Variants in PHKB observed in about 807,000 individuals in gnomAD.
The protein encoded by PHKB is phosphorylase b kinase regulatory subunit beta.
A neutral mutation model predicts 152.1 loss-of-function variants in PHKB; 122 were observed. The ratio of observed to expected loss-of-function variants is 0.80; its 90% CI spans 0.69 to 0.93. PHKB has a LOEUF of 0.93. PHKB is among the 40% of genes least tolerant of loss of function. PHKB has a pLI of 0.00. For missense variants in PHKB, 1,304 were observed against 1,328.4 expected (o/e 0.98, Z 0.29); for synonymous variants, 436 against 464.9 (o/e 0.94, Z 0.80).
At chr16:47,593,651 T>C in intron 11 of PHKB, 94 bp downstream of exon 11, 6 of 784,778 alleles carry the variant, frequency 7.6e-6, no homozygotes, top group South Asian at 1.4e-5. Flanking sequence ...AAATAAATTA[T>C]GACTCTTTTC....
intron 18 of PHKB, 69 bp downstream of exon 18, chr16:47,649,273 T>C: frequency 1.2e-6 from 1 of 866,174 alleles, no homozygotes; most frequent in Non-Finnish European, 2.0e-6. Flanking sequence ...TATGTTACTA[T>C]ATTGAGTACT....
intron 1 of PHKB, among the ~76,000 whole-genome samples, chr16:47,470,478 G>A (rs945955585): frequency 2.6e-5 from 4 of 152,214 alleles, no homozygotes; most frequent in African/African-American, 4.8e-5. Context: ...CAGAGTGGGC[G>A]TTATGGCCAT....
intron 26 of PHKB, among the ~76,000 whole-genome samples, chr16:47,671,142 AT>A (rs2142081445): frequency 6.6e-6 from 1 of 152,370 alleles, no homozygotes; most frequent in Non-Finnish European, 1.5e-5. Context: ...GTTACCATGC[AT>A]AAAAAACAAT....
At chr16:47,515,425 T>C (rs954651507) in intron 5 of PHKB, 96 bp from the exon 6 acceptor site, 9 of 729,742 alleles carry the variant, frequency 1.2e-5, no homozygotes, top group African/African-American at 8.7e-5. Flanking sequence ...ATGACACTAT[T>C]AGAGCAAATG....
intron 14 of PHKB, among the ~76,000 whole-genome samples, chr16:47,638,043 C>T (rs975531259): frequency 6.6e-6 from 1 of 152,056 alleles, no homozygotes; most frequent in Non-Finnish European, 1.5e-5. Flanking sequence ...AGCACCCCTC[C>T]CCATTCCCCA....
intron 7 of PHKB, 61 bp downstream of exon 7, chr16:47,547,609 G>T (rs1839542252): frequency 6.5e-6 from 6 of 927,188 alleles, no homozygotes. Context: ...TGAATATGAA[G>T]AAATACTGAA....
rs754324458 is a variant in PHKB at position 47,661,700 on chromosome 16, C to T, written c.2197-19C>T. On this transcript the variant is annotated intron_variant, in intron 22 of 30. Coordinates refer to ENST00000323584, the MANE Select transcript of PHKB (RefSeq NM_000293.3). ...GTACCCATTTCATTCCAGTTCCTCA[C>T]CGTGATTTATATTTTCAGGATTGCA... is the stretch of plus-strand genomic sequence containing the variant. 1 of 1,569,890 alleles carries T rather than the reference C, an allele frequency of 6.4e-7. No homozygotes were observed. The highest frequency in any genetic ancestry group is 1.1e-5 in the South Asian group (1 of 90,188).
chr16:47,687,000 A>G (rs1973976504), intron 26 of PHKB, among the ~76,000 whole-genome samples: 1 of 152,144 alleles, frequency 6.6e-6, no homozygotes, highest in African/African-American at 2.4e-5. Context: ...ATAAAACAAG[A>G]CTCATGGTAT....
chr16:47,515,605 T>C lies in PHKB; in HGVS notation c.594+4T>C, dbSNP rs527478463. 3 of 1,252,938 alleles carry C rather than the reference T, an allele frequency of 2.4e-6. No individual in the cohort carries two copies. The highest frequency in any genetic ancestry group is 2.3e-5 in the East Asian group (1 of 43,096). The allele number at this position is 1,252,938 out of a possible 1,614,324, so 77.6% of individuals were successfully genotyped here. Reference sequence around the variant, plus strand: ...GATTATCTACAACACTGATGAGGTATGCTTTCCCCAAATTTTCTATTACTA... The same window carrying C: ...GATTATCTACAACACTGATGAGGTACGCTTTCCCCAAATTTTCTATTACTA... On this transcript the variant is annotated splice_donor_region_variant and intron_variant, in intron 6 of 30. Coordinates refer to ENST00000323584, the MANE Select transcript of PHKB (RefSeq NM_000293.3).
intron 1 of PHKB, among the ~76,000 whole-genome samples, chr16:47,479,877 CT>C (rs1969934433): frequency 6.6e-6 from 1 of 152,184 alleles, no homozygotes; most frequent in Non-Finnish European, 1.5e-5. Context: ...TGGCACTCTG[CT>C]TCTGTCAGTT....
At chr16:47,522,961 A>AT (rs375826369) in intron 6 of PHKB, among the ~76,000 whole-genome samples, 2,069 of 122,460 alleles carry the variant, frequency 0.017, 38 homozygotes, top group African/African-American at 0.044. Flanking sequence ...TTTCAAGTCA[A>AT]TTTTTTTTTT....
At chr16:47,484,473 GTATATATGTATGTATGCA>G (rs755252215) in intron 1 of PHKB, among the ~76,000 whole-genome samples, 30 of 152,172 alleles carry the variant, frequency 2.0e-4, no homozygotes, top group Non-Finnish European at 3.8e-4. Flanking sequence ...ATAAAAGTAT[GTATATATGTATGTATGCA>G]TATACAAATA....
chr16:47,567,026 A>T (rs527374898), intron 7 of PHKB: 6 of 388,370 alleles, frequency 1.5e-5, no homozygotes, highest in Admixed American at 4.2e-5. Context: ...AGGTAATGTG[A>T]TATCTCCAGA....
At chr16:47,688,149 C>T (rs1487567635) in intron 26 of PHKB, among the ~76,000 whole-genome samples, 2 of 152,184 alleles carry the variant, frequency 1.3e-5, no homozygotes, top group Non-Finnish European at 2.9e-5. Context: ...TTTCCAGATG[C>T]TCAGTTGCAC....
intron 7 of PHKB, among the ~76,000 whole-genome samples, chr16:47,577,157 T>C (rs188755004): frequency 1.4e-3 from 206 of 152,290 alleles, no homozygotes; most frequent in Middle Eastern, 6.8e-3. Flanking sequence ...TCTTTTTGAT[T>C]TATCAATAGT....
At chr16:47,469,171 C>T (rs1355526127) in intron 1 of PHKB, among the ~76,000 whole-genome samples, 1 of 152,168 alleles carries the variant, frequency 6.6e-6, no homozygotes, top group African/African-American at 2.4e-5. Flanking sequence ...GTGCCTGGAA[C>T]ATAAAAAATG....
intron 7 of PHKB, among the ~76,000 whole-genome samples, chr16:47,578,783 G>A (rs921269395): frequency 2.0e-5 from 3 of 152,172 alleles, no homozygotes; most frequent in African/African-American, 7.2e-5. Context: ...CCTCATGATA[G>A]ACTCAGGAAT....
chr16:47,565,507 G>C, intron 7 of PHKB: 1 of 1,325,458 alleles, frequency 7.5e-7, no homozygotes, highest in Non-Finnish European at 1.1e-6. Flanking sequence ...TACCTTTAGG[G>C]GCTGATCAGG....
At chr16:47,556,407 G>A (rs184403476) in intron 7 of PHKB, among the ~76,000 whole-genome samples, 1,906 of 152,298 alleles carry the variant, frequency 0.013, 25 homozygotes, top group Non-Finnish European at 0.019. Context: ...CTGTGGGTTT[G>A]TCATAGATAG....
Sources: gnomAD v4.1 joint callset for allele counts (sites outside exome capture counted in the v4.1 genomes callset) on GRCh38, gnomAD v4.1.1 for gene constraint, MANE v1.5 for transcripts, NCBI Gene and HGNC (gene_info 2026-07-23, HGNC 2026-07-21) for gene names.